Variants in DUS2 observed in about 807,000 individuals in gnomAD.
DUS2 encodes the protein tRNA-dihydrouridine(20) synthase [NAD(P)+]-like.
In DUS2, 52 loss-of-function variants were observed where a neutral mutation model predicts 71.3. That is an observed-to-expected ratio of 0.73 (90% CI 0.58 to 0.92). The LOEUF (loss-of-function observed/expected upper bound fraction) is 0.92. DUS2 is among the 40% of genes least tolerant of loss of function. The pLI is 0.00. For synonymous variants in DUS2, 204 were observed against 227.8 expected, an observed-to-expected ratio of 0.90 and a Z score of 0.94; for missense variants, 558 against 622.6, an observed-to-expected ratio of 0.90 and a Z score of 1.10.
At chr16:68,063,140 C>T (rs2033963188) in intron 8 of DUS2, among the ~76,000 whole-genome samples, 1 of 152,226 alleles carries the variant, frequency 6.6e-6, no homozygotes, top group Admixed American at 6.5e-5. Context: ...ATACACTCAA[C>T]CTCAGAAGCT....
intron 12 of DUS2, among the ~76,000 whole-genome samples, chr16:68,071,370 A>G (rs1464684270): frequency 1.3e-5 from 2 of 152,188 alleles, no homozygotes; most frequent in Non-Finnish European, 2.9e-5. Context: ...AACCTTCTAG[A>G]TCCAGGATGC....
intron 3 of DUS2, among the ~76,000 whole-genome samples, chr16:68,041,778 C>A (rs1375908829): frequency 1.3e-5 from 2 of 149,816 alleles, no homozygotes; most frequent in Non-Finnish European, 3.0e-5. Flanking sequence ...CCATTGCACT[C>A]CAGCCTGGGT....
intron 2 of DUS2, among the ~76,000 whole-genome samples, chr16:68,028,854 T>C (rs868252609): frequency 3.3e-5 from 5 of 152,188 alleles, no homozygotes; most frequent in Middle Eastern, 6.8e-3. Context: ...GAGGCACAGC[T>C]GGGATTCAAG....
intron 5 of DUS2, 143 bp from the exon 6 acceptor site, chr16:68,054,431 C>T (rs557683613): frequency 1.2e-6 from 1 of 845,620 alleles, no homozygotes; most frequent in African/African-American, 1.7e-5. Context: ...GTCTAGTGGG[C>T]TGGCTGTTTA....
At chr16:68,028,824 C>G (rs1433939618) in intron 2 of DUS2, among the ~76,000 whole-genome samples, 1 of 152,050 alleles carries the variant, frequency 6.6e-6, no homozygotes, top group African/African-American at 2.4e-5. Flanking sequence ...TGAGGCTCAG[C>G]TGGGTTAATT....
intron 5 of DUS2, 115 bp downstream of exon 5, chr16:68,053,770 G>C: frequency 9.9e-7 from 1 of 1,005,606 alleles, no homozygotes; most frequent in Non-Finnish European, 1.5e-6. Context: ...TACAACGATG[G>C]CTTCCTGAAG....
chr16:68,071,662 G>A (rs544960759), intron 12 of DUS2, among the ~76,000 whole-genome samples: 4 of 146,836 alleles, frequency 2.7e-5, no homozygotes, highest in Admixed American at 2.7e-4. Flanking sequence ...TTTTGAGATG[G>A]GGTCTTGCTC....
At chr16:68,053,048 C>T (rs901546078) in intron 4 of DUS2, among the ~76,000 whole-genome samples, 3 of 150,850 alleles carry the variant, frequency 2.0e-5, no homozygotes, top group African/African-American at 4.9e-5. Context: ...CTGCAACCTC[C>T]GCCTCCCAGA....
At chr16:68,032,568 G>C (rs1254761749) in intron 2 of DUS2, among the ~76,000 whole-genome samples, 1 of 152,184 alleles carries the variant, frequency 6.6e-6, no homozygotes, top group Non-Finnish European at 1.5e-5. Context: ...CAAGGACAAG[G>C]GGACCTTAGC....
chr16:68,075,010 T>A (rs543366722), intron 13 of DUS2, among the ~76,000 whole-genome samples: 2 of 152,132 alleles, frequency 1.3e-5, no homozygotes, highest in Non-Finnish European at 2.9e-5. Flanking sequence ...CATGGGCCCA[T>A]GTGCTTGATC....
chr16:68,076,599 G>A, intron 14 of DUS2, 33 bp from the exon 15 acceptor site: 1 of 1,558,952 alleles, frequency 6.4e-7, no homozygotes, highest in Non-Finnish European at 8.8e-7. Context: ...GGTGATGGTG[G>A]GTGACCCCAA....
At chr16:68,075,308 G>T in intron 13 of DUS2, 47 bp from the exon 14 acceptor site, 4 of 1,501,810 alleles carry the variant, frequency 2.7e-6, no homozygotes, top group Non-Finnish European at 3.6e-6. Context: ...TACCCTGGAT[G>T]CTGGCTCCGC....
chr16:68,075,438 C>G lies in DUS2; in HGVS notation c.1016C>G (p.Ser339Ter), dbSNP rs1483789765. ...CAGGCCAGGCTCTCAGCCAAGACTT[C>G]AGAGCAGACAGGGGAGCCAGCTGAA... ...AQQARLSAKT[S>*]EQTGEPAEDT... The change falls in exon 14 of 17, where the codon TCA becomes TGA. Residue 339 changes from serine (S) to a stop codon, truncating the protein, a stop_gained. Transcript: ENST00000565263. LOFTEE classifies it high-confidence loss of function. 3.7e-6 allele frequency: 6 copies of G among 1,613,860 alleles called. No homozygotes were observed. Among genetic ancestry groups the G allele is most frequent in the Non-Finnish European group, 5.1e-6 (6 of 1,179,924 alleles).
chr16:68,029,269 A>C (rs1346538176), intron 2 of DUS2, among the ~76,000 whole-genome samples: 6 of 150,694 alleles, frequency 4.0e-5, no homozygotes, highest in Admixed American at 2.6e-4. Flanking sequence ...ACTTTTTGTC[A>C]TGTGCATGTA....
intron 3 of DUS2, among the ~76,000 whole-genome samples, chr16:68,041,810 CAAAAA>C (rs775747419): frequency 1.8e-5 from 1 of 56,578 alleles, no homozygotes; most frequent in Non-Finnish European, 3.7e-5. Flanking sequence ...AACTCTGTGT[CAAAAA>C]AAAAAAAAAA....
chr16:68,065,794 T>G (rs1187615928), intron 8 of DUS2, among the ~76,000 whole-genome samples: 8 of 151,806 alleles, frequency 5.3e-5, no homozygotes, highest in Non-Finnish European at 1.0e-4. Flanking sequence ...TGTGTTCTTT[T>G]TTTCTTACTT....
At position 68,061,090 on chromosome 16, in the gene DUS2, T is replaced by C. The variant is rs754554535; in HGVS notation, c.394T>C (p.Ser132Pro). The C allele has an allele frequency of 6.2e-7, 1 of 1,613,910 alleles. No individual in the cohort carries two copies. Among genetic ancestry groups the C allele is most frequent in the Non-Finnish European group, 8.5e-7 (1 of 1,179,988 alleles). Residue 132 changes from serine (S) to proline (P), a missense_variant, in exon 8 of 17, where the codon TCA (serine) becomes CCA (proline). Coordinates refer to ENST00000565263, the MANE Select transcript of DUS2 (RefSeq NM_017803.5). ...GGGAGGAATGGGAGCTGCCCTGCTG[T>C]CAGACCCTGACAAGATTGAGAAGGT... ...TKGGMGAALL[S>P]DPDKIEKILS...
At chr16:68,035,885 TA>T (rs1205010281) in intron 2 of DUS2, among the ~76,000 whole-genome samples, 533 of 1,566 alleles carry the variant, frequency 0.34, 10 homozygotes, top group Admixed American at 0.38. Flanking sequence ...CCGCTAATTT[TA>T]TATATATATA....
chr16:68,032,399 C>T (rs1447820445), intron 2 of DUS2, among the ~76,000 whole-genome samples: 1 of 152,172 alleles, frequency 6.6e-6, no homozygotes, highest in Non-Finnish European at 1.5e-5. Flanking sequence ...TCCTGGTGGT[C>T]TCCAGGAGGA....
Sources: gnomAD v4.1 joint callset for allele counts (sites outside exome capture counted in the v4.1 genomes callset) on GRCh38, gnomAD v4.1.1 for gene constraint, MANE v1.5 for transcripts, NCBI Gene and HGNC (gene_info 2026-07-23, HGNC 2026-07-21) for gene names.